Variants in RNF216 observed in about 807,000 individuals in gnomAD.
RNF216 encodes the protein ring finger protein 216.
In RNF216, 72 loss-of-function variants were observed where a neutral mutation model predicts 110.8. The ratio of observed to expected loss-of-function variants is 0.65; its 90% CI spans 0.54 to 0.79. The LOEUF (loss-of-function observed/expected upper bound fraction) is 0.79, where lower values mean the gene tolerates loss of function less well. Among genes scored for constraint, RNF216 ranks in the 30% least tolerant of loss-of-function variants. The pLI is 0.00. For synonymous variants in RNF216, 495 were observed against 407.5 expected, an observed-to-expected ratio of 1.21 and a Z score of -2.59; for missense variants, 1,342 against 1,141.2, an observed-to-expected ratio of 1.18 and a Z score of -2.54.
intron 15 of RNF216, among the ~76,000 whole-genome samples, chr7:5,632,985 TTC>T (rs72196246): frequency 0.012 from 1,893 of 151,976 alleles, 40 homozygotes; most frequent in African/African-American, 0.043. Flanking sequence ...GAAGAGCACT[TTC>T]TGTTTTTTTT....
intron 15 of RNF216, among the ~76,000 whole-genome samples, chr7:5,630,596 T>C (rs1459142749): frequency 6.6e-6 from 1 of 152,140 alleles, no homozygotes; most frequent in Non-Finnish European, 1.5e-5. Context: ...TCTCACTGTG[T>C]TGTCCAGGCA....
At chr7:5,706,241 T>C (rs892131424) in intron 13 of RNF216, among the ~76,000 whole-genome samples, 2 of 149,932 alleles carry the variant, frequency 1.3e-5, no homozygotes, top group East Asian at 1.9e-4. Flanking sequence ...AAAAAAAAAT[T>C]GTGGTGAAAA....
intron 13 of RNF216, among the ~76,000 whole-genome samples, chr7:5,693,909 C>T (rs1489031286): frequency 1.3e-5 from 2 of 152,096 alleles, no homozygotes; most frequent in African/African-American, 2.4e-5. Context: ...AAAAATGACA[C>T]AACGAAAATT....
chr7:5,703,425 G>A (rs935840023), intron 13 of RNF216, among the ~76,000 whole-genome samples: 2 of 152,222 alleles, frequency 1.3e-5, no homozygotes, highest in African/African-American at 4.8e-5. Context: ...TTGATAGCTG[G>A]TCCACACTCA....
intron 3 of RNF216, among the ~76,000 whole-genome samples, chr7:5,743,089 C>T (rs964738059): frequency 5.9e-5 from 9 of 151,976 alleles, no homozygotes; most frequent in African/African-American, 2.2e-4. Flanking sequence ...GGTGAAAATC[C>T]GTCTCTACTA....
chr7:5,768,822 C>T (rs1362624558), intron 1 of RNF216, among the ~76,000 whole-genome samples: 5 of 151,756 alleles, frequency 3.3e-5, no homozygotes, highest in African/African-American at 4.8e-5. Context: ...CCACCACGCC[C>T]GGCTATTTTT....
At chr7:5,739,838 T>C (rs367549298) in intron 4 of RNF216, among the ~76,000 whole-genome samples, 12 of 151,628 alleles carry the variant, frequency 7.9e-5, no homozygotes, top group Admixed American at 6.6e-4. Flanking sequence ...CCGTCTCTAC[T>C]AAAAAAATAC....
chr7:5,628,897 A>T (rs1469583390), intron 15 of RNF216, among the ~76,000 whole-genome samples: 1 of 152,164 alleles, frequency 6.6e-6, no homozygotes, highest in Non-Finnish European at 1.5e-5. Context: ...AAATTCCTCA[A>T]GTCAAGAGTG....
chr7:5,687,628 A>T (rs1470753014), intron 13 of RNF216, among the ~76,000 whole-genome samples: 15 of 152,186 alleles, frequency 9.9e-5, no homozygotes, highest in Admixed American at 9.8e-4. Flanking sequence ...TCCTGAGATT[A>T]ACAGATCTCA....
chr7:5,710,989 A>G (rs1022558875), intron 13 of RNF216, among the ~76,000 whole-genome samples: 4 of 152,204 alleles, frequency 2.6e-5, no homozygotes, highest in Non-Finnish European at 5.9e-5. Context: ...GTTTTGATCC[A>G]TTAGTTTAGT....
rs1037788049 is a variant in RNF216 at position 5,696,776 on chromosome 7, G to A, written c.2061+14985C>T. Among the ~76,000 whole-genome samples, 3 of 152,144 alleles carry A rather than the reference G, an allele frequency of 2.0e-5. No individual in the cohort carries two copies. The highest frequency in any genetic ancestry group is 4.8e-5 in the African/African-American group (2 of 41,414). The stretch of plus-strand genomic sequence containing the variant: ...ACAGCAAATACCTGCAACATTGTAC[G>A]AACGGGCTCTGGGAGGGCTGTAGGA... On this transcript the variant is annotated intron_variant, in intron 13 of 16. Transcript: ENST00000389902. This position sits in a 1 kb window ranked among gnomAD's most constrained non-coding sequence, Gnocchi z 5.4.
intron 3 of RNF216, among the ~76,000 whole-genome samples, chr7:5,744,992 G>T (rs1357798368): frequency 2.7e-5 from 4 of 150,628 alleles, no homozygotes. Flanking sequence ...AAAAAAAAAA[G>T]AAAACTTCTA....
chr7:5,770,287 C>T (rs1411399314), intron 1 of RNF216, among the ~76,000 whole-genome samples: 2 of 151,736 alleles, frequency 1.3e-5, no homozygotes, highest in African/African-American at 2.4e-5. Flanking sequence ...CATGGAGAAA[C>T]CCCATCCCTA....
At chr7:5,676,831 AT>A (rs1408650593) in intron 13 of RNF216, among the ~76,000 whole-genome samples, 1 of 152,212 alleles carries the variant, frequency 6.6e-6, no homozygotes, top group African/African-American at 2.4e-5. Flanking sequence ...CTCTCTGGTC[AT>A]TGTCCCAGGC....
intron 3 of RNF216, among the ~76,000 whole-genome samples, chr7:5,748,845 C>G (rs887175582): frequency 6.6e-6 from 1 of 152,036 alleles, no homozygotes; most frequent in Non-Finnish European, 1.5e-5. Flanking sequence ...CACCCCTAAC[C>G]ACCATGTTGT....
chr7:5,686,166 TG>T (rs1790971293), intron 13 of RNF216, among the ~76,000 whole-genome samples: 1 of 145,468 alleles, frequency 6.9e-6, no homozygotes, highest in Non-Finnish European at 1.5e-5. Context: ...GAGGTTGCAG[TG>T]AGCCGAGATC....
chr7:5,704,657 G>C (rs1002929391), intron 13 of RNF216, among the ~76,000 whole-genome samples: 4 of 152,134 alleles, frequency 2.6e-5, no homozygotes, highest in Non-Finnish European at 4.4e-5. Flanking sequence ...GTGCCACCTA[G>C]TGGCAACTCG....
intron 2 of RNF216, among the ~76,000 whole-genome samples, chr7:5,753,578 GT>G (rs991310972): frequency 3.3e-5 from 5 of 152,138 alleles, no homozygotes; most frequent in East Asian, 3.9e-4. Context: ...TCTATTCAAG[GT>G]TTTTACTTCC....
In RNF216 at chr7:5,646,216, TAA is replaced by T. The variant is rs1243835961; in HGVS notation, c.2160-4842_2160-4841del. On this transcript the variant is annotated intron_variant, in intron 14 of 16. Coordinates refer to ENST00000389902, the MANE Select transcript of RNF216 (RefSeq NM_207111.4). ...TAGTGACTTTTAAAAATTATTTTTG[TAA>T]ATTAGCCGGGCATGGTGGTGCATGC... Among the ~76,000 whole-genome samples, 5 of 152,180 alleles carry T rather than the reference TAA, an allele frequency of 3.3e-5. No individual in the cohort carries two copies. The East Asian group carries it at 9.6e-4, about 29-fold the overall frequency.
Sources: allele counts gnomAD v4.1 joint callset (sites outside exome capture counted in the v4.1 genomes callset), GRCh38; gene constraint gnomAD v4.1.1; non-coding constraint Gnocchi (gnomAD v3.1); transcripts MANE v1.5; gene names NCBI Gene and HGNC (gene_info 2026-07-23, HGNC 2026-07-21).